The following NCOA2 variants were observed in gnomAD, a reference collection of about 807,000 sequenced individuals.
NCOA2 encodes the protein nuclear receptor coactivator 2, also known as class E basic helix-loop-helix protein 75.
A neutral mutation model predicts 145.1 loss-of-function variants in NCOA2; 21 were observed. The ratio of observed to expected loss-of-function variants is 0.14; its 90% CI spans 0.10 to 0.21. The LOEUF is 0.21. NCOA2 is among the 10% of genes least tolerant of loss of function. The probability of loss-of-function intolerance (pLI) is 1.00; values close to 1 mark genes in which losing one functional copy is unlikely to be tolerated. For missense variants in NCOA2, 1,472 were observed against 1,837.6 expected, an observed-to-expected ratio of 0.80 and a Z score of 3.64; for synonymous variants, 619 against 637.5, an observed-to-expected ratio of 0.97 and a Z score of 0.44.
At chr8:70,252,720 T>C (rs904439347) in intron 2 of NCOA2, among the ~76,000 whole-genome samples, 5 of 152,248 alleles carry the variant, frequency 3.3e-5, no homozygotes, top group African/African-American at 1.2e-4. Context: ...TTGGACAGCC[T>C]ACTTTGATGA....
At chr8:70,173,955 A>G (rs1196005304) in intron 5 of NCOA2, among the ~76,000 whole-genome samples, 1 of 152,214 alleles carries the variant, frequency 6.6e-6, no homozygotes, top group African/African-American at 2.4e-5. Context: ...AGTGCTGCAA[A>G]GCTTCTGGCC....
At chr8:70,276,543 C>T (rs1160087732) in intron 2 of NCOA2, among the ~76,000 whole-genome samples, 3 of 152,046 alleles carry the variant, frequency 2.0e-5, no homozygotes, top group East Asian at 1.9e-4. Context: ...GTGGTTTCCC[C>T]CATCCTATTT....
chr8:70,125,058 T>C (rs1808267453), intron 19 of NCOA2, among the ~76,000 whole-genome samples, 193 bp from the exon 20 acceptor site: 1 of 152,086 alleles, frequency 6.6e-6, no homozygotes. Context: ...AAATAAAATC[T>C]CCATACTGAT....
intron 2 of NCOA2, among the ~76,000 whole-genome samples, chr8:70,256,478 T>C: frequency 6.6e-6 from 1 of 152,246 alleles, no homozygotes; most frequent in East Asian, 1.9e-4. Flanking sequence ...GTATTGTTTT[T>C]GTTGTTTCAT....
intron 22 of NCOA2, among the ~76,000 whole-genome samples, chr8:70,116,894 G>A (rs551532628): frequency 4.6e-4 from 70 of 152,256 alleles, no homozygotes; most frequent in Non-Finnish European, 7.9e-4. Flanking sequence ...GTGCTGTGTC[G>A]CCCAGGCTGG....
chr8:70,412,662 A>C, the NCOA2 span, among the ~76,000 whole-genome samples: 3 of 149,406 alleles, frequency 2.0e-5, no homozygotes, highest in Admixed American at 6.7e-5. Flanking sequence ...AAAAAAAAAA[A>C]AAAAAAAAAC....
At chr8:70,160,732 C>T (rs1280922384) in intron 9 of NCOA2, among the ~76,000 whole-genome samples, 3 of 145,824 alleles carry the variant, frequency 2.1e-5, no homozygotes, top group South Asian at 2.1e-4. Flanking sequence ...CTAATTTCTT[C>T]GTAAAATTTC....
intron 2 of NCOA2, among the ~76,000 whole-genome samples, chr8:70,219,914 T>C (rs1442296967): frequency 6.6e-6 from 1 of 151,682 alleles, no homozygotes; most frequent in Non-Finnish European, 1.5e-5. Context: ...TTCCCCCAAC[T>C]CAAAATACTG....
intron 2 of NCOA2, among the ~76,000 whole-genome samples, chr8:70,249,022 G>T (rs1173153973): frequency 6.6e-6 from 1 of 152,000 alleles, no homozygotes; most frequent in Non-Finnish European, 1.5e-5. Flanking sequence ...CCCCCCGGAT[G>T]GACATGTCCT....
At chr8:70,401,638 T>C (rs1814259093) in intron 1 of NCOA2, among the ~76,000 whole-genome samples, 1 of 152,100 alleles carries the variant, frequency 6.6e-6, no homozygotes, top group South Asian at 2.1e-4. Flanking sequence ...AGTGAAGCCA[T>C]TATGAACAAT....
intron 4 of NCOA2, among the ~76,000 whole-genome samples, chr8:70,187,088 A>ACTG (rs1816158519): frequency 1.3e-5 from 2 of 152,244 alleles, no homozygotes; most frequent in Non-Finnish European, 2.9e-5. Flanking sequence ...AAAAGAATAC[A>ACTG]AGGACTGGCA....
At chr8:70,193,400 T>C (rs1816903776) in intron 4 of NCOA2, among the ~76,000 whole-genome samples, 1 of 152,104 alleles carries the variant, frequency 6.6e-6, no homozygotes, top group African/African-American at 2.4e-5. Flanking sequence ...CTTTCTTTCT[T>C]AAGAAAGCAT....
At chr8:70,366,108 A>G (rs960795701) in intron 1 of NCOA2, among the ~76,000 whole-genome samples, 8 of 152,206 alleles carry the variant, frequency 5.3e-5, no homozygotes, top group Non-Finnish European at 1.2e-4. Flanking sequence ...CTGTTCATTC[A>G]CTGCCTGGCC....
intron 1 of NCOA2, among the ~76,000 whole-genome samples, chr8:70,299,746 T>C (rs1173361329): frequency 1.3e-5 from 2 of 152,314 alleles, no homozygotes; most frequent in East Asian, 3.9e-4. Context: ...GGAAAACAGT[T>C]TGGAAGTTTC....
the NCOA2 span, among the ~76,000 whole-genome samples, chr8:70,441,580 G>T: frequency 6.8e-6 from 1 of 147,870 alleles, no homozygotes; most frequent in Admixed American, 6.8e-5. Context: ...GAAAGAGAAA[G>T]AAAAGAAAGA....
chr8:70,171,809 T>A (rs1814287853), intron 5 of NCOA2, among the ~76,000 whole-genome samples: 1 of 151,986 alleles, frequency 6.6e-6, no homozygotes, highest in Non-Finnish European at 1.5e-5. Flanking sequence ...ATCACAGGTA[T>A]GCACCACCAC....
chr8:70,320,283 G>A (rs1253717659), intron 1 of NCOA2, among the ~76,000 whole-genome samples: 1 of 151,988 alleles, frequency 6.6e-6, no homozygotes, highest in African/African-American at 2.4e-5. Flanking sequence ...GAGAAAAAGT[G>A]TTCTAAAAAT....
chr8:70,116,077 C>G (rs568569259), intron 22 of NCOA2, among the ~76,000 whole-genome samples: 14 of 150,310 alleles, frequency 9.3e-5, no homozygotes, highest in African/African-American at 3.4e-4. Flanking sequence ...GTCCCAGCTA[C>G]TAGGGAGGCT....
At chr8:70,198,020 C>A (rs1817518744) in intron 4 of NCOA2, among the ~76,000 whole-genome samples, 1 of 152,064 alleles carries the variant, frequency 6.6e-6, no homozygotes, top group Admixed American at 6.6e-5. Context: ...AGGCTGGTCT[C>A]AAACTCCTGG....
Sources: gnomAD v4.1 joint callset for allele counts (sites outside exome capture counted in the v4.1 genomes callset) on GRCh38, gnomAD v4.1.1 for gene constraint, MANE v1.5 for transcripts, NCBI Gene and HGNC (gene_info 2026-07-23, HGNC 2026-07-21) for gene names.